Variants in COLGALT2 observed in about 807,000 individuals in gnomAD.
COLGALT2 encodes the protein collagen beta(1-O)galactosyltransferase 2, also known as procollagen galactosyltransferase 2.
COLGALT2 carries 49 observed loss-of-function variants against 73.4 expected under a neutral mutation model. The ratio of observed to expected loss-of-function variants is 0.67; its 90% confidence interval spans 0.53 to 0.85. COLGALT2 has a LOEUF of 0.85. COLGALT2 is among the 40% of genes least tolerant of loss of function. The pLI, the probability that COLGALT2 is intolerant of heterozygous loss-of-function variation, is 0.00. For synonymous variants in COLGALT2, 295 were observed against 307.6 expected (o/e 0.96, Z 0.43); for missense variants, 722 against 790.2 (o/e 0.91, Z 1.03).
chr1:184,004,076 TA>T (rs1392366350), intron 1 of COLGALT2, among the ~76,000 whole-genome samples: 4 of 152,224 alleles, frequency 2.6e-5, no homozygotes, highest in African/African-American at 9.7e-5. Context: ...AAAACGGCAT[TA>T]TTTTTTTAAT....
intron 6 of COLGALT2, among the ~76,000 whole-genome samples, chr1:183,960,637 C>T (rs12096645): frequency 0.46 from 69,941 of 152,120 alleles, 17,304 homozygotes; most frequent in African/African-American, 0.66. Flanking sequence ...TGCTCATGAA[C>T]AAAATGCATA....
intron 9 of COLGALT2, among the ~76,000 whole-genome samples, chr1:183,944,691 G>T (rs529538442): frequency 6.6e-6 from 1 of 152,114 alleles, no homozygotes; most frequent in Admixed American, 6.5e-5. Context: ...ACGGGGTGGG[G>T]GGGTGCTTGT....
At chr1:183,995,527 G>A (rs1671747610) in intron 1 of COLGALT2, among the ~76,000 whole-genome samples, 1 of 152,244 alleles carries the variant, frequency 6.6e-6, no homozygotes, top group Non-Finnish European at 1.5e-5. Context: ...CTTCAAGCAG[G>A]ACATTCTGCC....
At chr1:183,935,514 C>G (rs1669929746), downstream of COLGALT2, among the ~76,000 whole-genome samples, 1 of 152,226 alleles carries the variant, frequency 6.6e-6, no homozygotes, top group Non-Finnish European at 1.5e-5. Context: ...ATCACAGTAT[C>G]TCAGTATCTT....
chr1:183,942,030 GCTCCGC>G (rs1670127866), intron 10 of COLGALT2, among the ~76,000 whole-genome samples: 1 of 151,372 alleles, frequency 6.6e-6, no homozygotes, highest in Admixed American at 6.6e-5. Flanking sequence ...CTCACTGTAA[GCTCCGC>G]CTCCTGGGTT....
chr1:184,015,256 C>G (rs1395085432), intron 1 of COLGALT2, among the ~76,000 whole-genome samples: 1 of 152,168 alleles, frequency 6.6e-6, no homozygotes, highest in Non-Finnish European at 1.5e-5. Flanking sequence ...AGAATGAGAG[C>G]TGAAGGTTTG....
In COLGALT2 at chr1:183,995,700, C is replaced by T. The variant is rs1450394363; in HGVS notation, c.264-17180G>A. ...TCTAAGGAAACCTTTGGTTTTTCTTCACATTTTTTTCCCTTTAATATCCCA... is the reference window on the plus strand; with the variant it reads ...TCTAAGGAAACCTTTGGTTTTTCTTTACATTTTTTTCCCTTTAATATCCCA... On this transcript the variant is annotated intron_variant, in intron 1 of 11. Coordinates refer to ENST00000361927, the MANE Select transcript of COLGALT2 (RefSeq NM_015101.4). Among the ~76,000 whole-genome samples the T allele has an allele frequency of 2.6e-5, 4 of 151,842 alleles. 1 individual carries two copies. The East Asian group carries it at 5.8e-4, about 22-fold the overall frequency.
At chr1:184,013,941 A>ATTT (rs1432275426) in intron 1 of COLGALT2, among the ~76,000 whole-genome samples, 4 of 152,160 alleles carry the variant, frequency 2.6e-5, no homozygotes, top group African/African-American at 9.7e-5. Flanking sequence ...TTTTGGGCAA[A>ATTT]TGCTTGCATG....
intron 1 of COLGALT2, among the ~76,000 whole-genome samples, chr1:184,003,466 G>T (rs367821302): frequency 6.6e-6 from 1 of 152,128 alleles, no homozygotes; most frequent in African/African-American, 2.4e-5. Flanking sequence ...CTTCAAATCC[G>T]TCCAGTCCAG....
chr1:184,012,778 A>ATATT (rs1239831200), intron 1 of COLGALT2, among the ~76,000 whole-genome samples: 1 of 152,214 alleles, frequency 6.6e-6, no homozygotes, highest in East Asian at 1.9e-4. Context: ...TTGGAGGAGG[A>ATATT]AACAATCAGT....
chr1:183,962,216 A>G (rs540803905), intron 6 of COLGALT2, among the ~76,000 whole-genome samples: 3 of 131,156 alleles, frequency 2.3e-5, no homozygotes, highest in Non-Finnish European at 3.1e-5. Flanking sequence ...CTGGAGTGCA[A>G]TGGCGCGATC....
At chr1:183,989,245 C>T (rs1474459119) in intron 1 of COLGALT2, among the ~76,000 whole-genome samples, 1 of 152,180 alleles carries the variant, frequency 6.6e-6, no homozygotes. Context: ...TGAGAAGTGT[C>T]AGGTCTCAGC....
intron 2 of COLGALT2, among the ~76,000 whole-genome samples, chr1:183,976,734 G>A (rs980095818): frequency 1.3e-5 from 2 of 151,720 alleles, no homozygotes; most frequent in Admixed American, 6.6e-5. Flanking sequence ...AACTTATTTA[G>A]AAAAAAAATA....
intron 1 of COLGALT2, among the ~76,000 whole-genome samples, chr1:184,007,126 A>C (rs1225390931): frequency 1.3e-5 from 2 of 152,236 alleles, no homozygotes; most frequent in Non-Finnish European, 2.9e-5. Flanking sequence ...GTGGCTTAGA[A>C]GAAAATCCTA....
At chr1:183,998,399 T>G (rs1671825981) in intron 1 of COLGALT2, among the ~76,000 whole-genome samples, 1 of 152,228 alleles carries the variant, frequency 6.6e-6, no homozygotes, top group Non-Finnish European at 1.5e-5. Flanking sequence ...ATTCTCTACA[T>G]TATTTCTCTG....
chr1:184,017,106 C>T (rs1244134545), intron 1 of COLGALT2, among the ~76,000 whole-genome samples: 1 of 152,154 alleles, frequency 6.6e-6, no homozygotes, highest in East Asian at 1.9e-4. Context: ...ACCTAAGGTG[C>T]TGTAATGTAT....
chr1:184,005,830 A>C (rs1378998536), intron 1 of COLGALT2, among the ~76,000 whole-genome samples: 33 of 152,168 alleles, frequency 2.2e-4, no homozygotes, highest in Non-Finnish European at 4.4e-5. Context: ...CTGAACCCCA[A>C]CACAAGACAG....
rs1649729223 is a variant in COLGALT2, at chr1:184,037,423, G to A, written c.-66C>T. The A allele has an allele frequency of 1.6e-6, 2 of 1,270,602 alleles. No individual in the cohort carries two copies. The highest frequency in any genetic ancestry group is 5.6e-5 in the South Asian group (2 of 35,536). The allele number at this position is 1,270,602 out of a possible 1,614,324, so 78.7% of individuals were successfully genotyped here. On this transcript the variant is annotated 5_prime_UTR_variant, in exon 1 of 12. Coordinates refer to ENST00000361927, the MANE Select transcript of COLGALT2 (RefSeq NM_015101.4). ...GCGCCCGGCTGGGCTGCCTGAGGGC[G>A]GCGGCGGCTGCCGGGGAGCAAGGGG...
At chr1:183,952,784 G>T (rs1419494039) in intron 7 of COLGALT2, among the ~76,000 whole-genome samples, 1 of 152,172 alleles carries the variant, frequency 6.6e-6, no homozygotes, top group Non-Finnish European at 1.5e-5. Flanking sequence ...TTACCTAACT[G>T]GGTAATTATT....
Sources: allele counts gnomAD v4.1 joint callset (sites outside exome capture counted in the v4.1 genomes callset), GRCh38; gene constraint gnomAD v4.1.1; transcripts MANE v1.5; gene names NCBI Gene and HGNC (gene_info 2026-07-23, HGNC 2026-07-21).